The following POSTN variants were observed in gnomAD, a reference collection of about 807,000 sequenced individuals.
POSTN encodes the protein periostin.
POSTN carries 71 observed loss-of-function variants against 104.5 expected under a neutral mutation model. That is an observed-to-expected ratio of 0.68 (90% CI 0.56 to 0.83). The LOEUF is 0.83. Among genes scored for constraint, POSTN ranks in the 40% least tolerant of loss-of-function variants. POSTN has a pLI of 0.00. For synonymous variants in POSTN, 355 were observed against 340.7 expected (o/e 1.04, Z -0.46); for missense variants, 949 against 1,006.8 (o/e 0.94, Z 0.78).
At chr13:37,593,216 A>G (rs1379073539) in intron 2 of POSTN, among the ~76,000 whole-genome samples, 1 of 150,578 alleles carries the variant, frequency 6.6e-6, no homozygotes, top group Non-Finnish European at 1.5e-5. Context: ...AGTTTATCTA[A>G]TTTACTATAT....
chr13:37,575,719 G>A (rs1234816319), intron 16 of POSTN, among the ~76,000 whole-genome samples: 2 of 152,224 alleles, frequency 1.3e-5, no homozygotes, highest in South Asian at 4.1e-4. Context: ...CCTCATGCTT[G>A]TAAGATGTTT....
In POSTN at chr13:37,587,951, A is replaced by G; in HGVS notation, c.477T>C (p.Val159=). 1 of 1,604,850 alleles carries G rather than the reference A, an allele frequency of 6.2e-7. No homozygotes were observed. The highest frequency in any genetic ancestry group is 8.5e-7 in the Non-Finnish European group (1 of 1,172,916). The change falls in exon 5 of 23, where the codon GTT becomes GTC. Residue 159 remains valine, a synonymous_variant. Transcript: ENST00000379747. ...IRRGLESNVN[V]ELLNALHSHM... ...GACTATGTAAAGCATTCAGTAATTC[A>G]ACATTCACGTTGCTCTCCAAACCTC...
Position 37,574,611 on chromosome 13 carries a change from C to T in POSTN, c.2050G>A (p.Val684Met), listed in dbSNP as rs151159390. Residue 684 changes from valine (V) to methionine (M), a missense_variant, in exon 17 of 23, where the codon GTG becomes ATG. Coordinates refer to ENST00000379747, the MANE Select transcript of POSTN (RefSeq NM_006475.3). ...ITKVVEPKIK[V>M]IEGSLQPIIK... ...ATAGGCTGAAGACTGCCTTCAATCA[C>T]TTTAATTTTTGGTTCCACAACTTTG... 5.0e-4 allele frequency: 802 copies of T among 1,598,290 alleles called. 1 individual carries two copies. Among genetic ancestry groups the T allele is most frequent in the Middle Eastern group, 1.8e-3 (10 of 5,506 alleles).
chr13:37,575,884 C>A (rs1486563103), intron 16 of POSTN, among the ~76,000 whole-genome samples: 1 of 152,152 alleles, frequency 6.6e-6, no homozygotes, highest in African/African-American at 2.4e-5. Context: ...GGTGGTCTTG[C>A]CACAGAAGAA....
intron 17 of POSTN, among the ~76,000 whole-genome samples, chr13:37,572,227 T>C (rs1950279854): frequency 2.0e-5 from 3 of 151,702 alleles, no homozygotes; most frequent in Admixed American, 6.6e-5. Flanking sequence ...ATTTAACTCA[T>C]ACTGTAATAG....
rs369751687 is a variant in POSTN, at chr13:37,598,758, A to G, written c.-32T>C. 98 of 1,609,494 alleles carry G rather than the reference A, an allele frequency of 6.1e-5. No homozygotes were observed. The highest frequency in any genetic ancestry group is 8.2e-5 in the Non-Finnish European group (96 of 1,176,894). ...TCTCTCCGTTGCAGTTAGTCCCCGAAGAGAACTGGCAGTGGGCTTTGGAGA... is the reference window on the plus strand; with the variant it reads ...TCTCTCCGTTGCAGTTAGTCCCCGAGGAGAACTGGCAGTGGGCTTTGGAGA... On this transcript the variant is annotated 5_prime_UTR_variant, in exon 1 of 23. Coordinates refer to ENST00000379747, the MANE Select transcript of POSTN (RefSeq NM_006475.3).
intron 2 of POSTN, among the ~76,000 whole-genome samples, chr13:37,596,262 C>T (rs189883306): frequency 6.6e-6 from 1 of 152,112 alleles, no homozygotes; most frequent in African/African-American, 2.4e-5. Flanking sequence ...GGGTGGACTT[C>T]AAATTAATAG....
intron 12 of POSTN, 122 bp downstream of exon 12, chr13:37,579,739 A>G (rs1486026716): frequency 1.8e-6 from 2 of 1,135,366 alleles, no homozygotes; most frequent in African/African-American, 3.1e-5. Flanking sequence ...AAAGGAAACT[A>G]AAGCTAACCA....
intron 21 of POSTN, among the ~76,000 whole-genome samples, chr13:37,566,975 G>A (rs186093470): frequency 2.1e-4 from 32 of 151,794 alleles, no homozygotes; most frequent in East Asian, 3.9e-4. Flanking sequence ...GGTGGCTCAC[G>A]CCTGTAATCC....
intron 16 of POSTN, among the ~76,000 whole-genome samples, chr13:37,576,649 GACATA>G (rs1461676957): frequency 6.6e-6 from 1 of 151,980 alleles, no homozygotes; most frequent in Non-Finnish European, 1.5e-5. Flanking sequence ...GAAGAAAGAT[GACATA>G]ACATGTCTGA....
At chr13:37,585,059 T>C in intron 7 of POSTN, 131 bp from the exon 8 acceptor site, 1 of 1,407,468 alleles carries the variant, frequency 7.1e-7, no homozygotes, top group South Asian at 1.5e-5. Context: ...ACTAACAGCT[T>C]TAAAATCCTA....
intron 10 of POSTN, among the ~76,000 whole-genome samples, chr13:37,581,614 TC>T (rs1361885685): frequency 1.3e-5 from 2 of 152,008 alleles, no homozygotes; most frequent in Non-Finnish European, 1.5e-5. Flanking sequence ...TCCTAGCTAC[TC>T]AGAAGACCGA....
intron 4 of POSTN, among the ~76,000 whole-genome samples, chr13:37,589,087 A>G (rs1029987414): frequency 3.9e-5 from 6 of 152,158 alleles, no homozygotes; most frequent in Admixed American, 2.0e-4. Context: ...AAAACCAATT[A>G]TTTATTGGGG....
intron 10 of POSTN, 150 bp downstream of exon 10, chr13:37,582,216 G>A: frequency 1.2e-6 from 1 of 823,524 alleles, no homozygotes; most frequent in Non-Finnish European, 1.8e-6. Flanking sequence ...TTTGCTCACA[G>A]TCTTTTCACC....
At chr13:37,566,759 A>T (rs1950113130) in intron 21 of POSTN, among the ~76,000 whole-genome samples, 1 of 152,176 alleles carries the variant, frequency 6.6e-6, no homozygotes, top group Non-Finnish European at 1.5e-5. Flanking sequence ...GAGTCGTTTC[A>T]GAATGCATAA....
intron 17 of POSTN, among the ~76,000 whole-genome samples, chr13:37,572,768 T>C (rs1157949077): frequency 6.6e-6 from 1 of 151,654 alleles, no homozygotes; most frequent in Non-Finnish European, 1.5e-5. Context: ...CTTAAAATTG[T>C]GTCCTGGAGT....
chr13:37,564,952 A>G (rs193163279), intron 21 of POSTN: 9 of 160,094 alleles, frequency 5.6e-5, no homozygotes, highest in Non-Finnish European at 1.2e-4. Flanking sequence ...TCCCAGAGTT[A>G]GCCACCCATT....
chr13:37,592,362 G>A (rs568062732), intron 2 of POSTN, among the ~76,000 whole-genome samples, 198 bp from the exon 3 acceptor site: 4 of 152,000 alleles, frequency 2.6e-5, no homozygotes, highest in Admixed American at 1.3e-4. Flanking sequence ...GCAGTGGCGC[G>A]ATCTGGGTTC....
rs1270788304 is a variant in POSTN at position 37,564,719 on chromosome 13, A to AT, written c.2432-160dup. On this transcript the variant is annotated intron_variant, in intron 21 of 22. Coordinates refer to ENST00000379747, the MANE Select transcript of POSTN (RefSeq NM_006475.3). ...AATTTTATGATCCTCAGAGTTTTAC[A>AT]TTTTTTCGTAAAGGACAAGTAGACA... The AT allele has an allele frequency of 2.8e-5, 13 of 462,110 alleles. No homozygotes were observed. In the East Asian group the frequency reaches 4.1e-4, roughly 15 times the overall value. The allele number at this position is 462,110 out of a possible 1,614,324, so 28.6% of individuals were successfully genotyped here.
Sources: gnomAD v4.1 joint callset for allele counts (sites outside exome capture counted in the v4.1 genomes callset) on GRCh38, gnomAD v4.1.1 for gene constraint, MANE v1.5 for transcripts, NCBI Gene and HGNC (gene_info 2026-07-23, HGNC 2026-07-21) for gene names.